The following C12orf56 variants were observed in gnomAD, a reference collection of about 807,000 sequenced individuals.
C12orf56 encodes uncharacterized protein C12orf56.
C12orf56 carries 71 observed loss-of-function variants against 69.9 expected under a neutral mutation model. The ratio of observed to expected loss-of-function variants is 1.02; its 90% CI spans 0.84 to 1.24. C12orf56 has a LOEUF of 1.24. Ranked by LOEUF, C12orf56 falls within the 50% of genes most tolerant of loss-of-function variation. The pLI is 0.00. For synonymous variants in C12orf56, 276 were observed against 274.1 expected (o/e 1.01, Z -0.07); for missense variants, 732 against 738.5 (o/e 0.99, Z 0.10).
At chr12:64,318,358 C>T (rs2038716356) in intron 4 of C12orf56, among the ~76,000 whole-genome samples, 1 of 152,056 alleles carries the variant, frequency 6.6e-6, no homozygotes, top group Non-Finnish European at 1.5e-5. Flanking sequence ...CCACCATGCC[C>T]GTCCAGAAAC....
Position 64,277,768 on chromosome 12 carries a change from C to G in C12orf56, c.1346G>C (p.Ser449Thr). Residue 449 changes from serine (S) to threonine (T), a missense_variant, in exon 9 of 13, where the codon AGT becomes ACT. By Grantham distance (58) the Ser-to-Thr change is moderately conservative (BLOSUM62 1). Transcript: ENST00000543942. ...ACAAGATTTTGGAATCTGAGGCTCA[C>G]TAATTAAAATTACCAAGAGATTAAA... The part of the protein sequence containing the change: ...ALFNLLVILI[S>T]EPQIPKSCPV... The G allele has an allele frequency of 6.2e-7, 1 of 1,601,906 alleles. No individual in the cohort carries two copies. The highest frequency in any genetic ancestry group is 2.2e-5 in the East Asian group (1 of 44,612).
intron 1 of C12orf56, among the ~76,000 whole-genome samples, chr12:64,378,160 A>G (rs992476477): frequency 6.6e-6 from 1 of 152,220 alleles, no homozygotes; most frequent in Non-Finnish European, 1.5e-5. Flanking sequence ...ACTGCTCACA[A>G]ATATTACTGT....
chr12:64,384,676 T>C (rs1315890502), intron 1 of C12orf56, among the ~76,000 whole-genome samples: 1 of 152,188 alleles, frequency 6.6e-6, no homozygotes, highest in Non-Finnish European at 1.5e-5. Context: ...ACAGATTTTC[T>C]TTCCCGTAGG....
chr12:64,283,301 G>A (rs1414731018), intron 8 of C12orf56, among the ~76,000 whole-genome samples: 1 of 152,174 alleles, frequency 6.6e-6, no homozygotes, highest in Non-Finnish European at 1.5e-5. Flanking sequence ...CTGAAATCGT[G>A]CCATTGCACC....
chr12:64,338,727 C>T, intron 2 of C12orf56: 1 of 1,508,124 alleles, frequency 6.6e-7, no homozygotes, highest in Non-Finnish European at 9.2e-7. Flanking sequence ...TTCTCATTGG[C>T]TTCTTGTTCA....
intron 6 of C12orf56, among the ~76,000 whole-genome samples, chr12:64,286,640 C>A (rs1203757575): frequency 1.3e-5 from 2 of 152,160 alleles, no homozygotes; most frequent in Admixed American, 6.5e-5. Flanking sequence ...CCTGTCCAGT[C>A]TCATGAGAAA....
chr12:64,284,199 A>T (rs2038169051), intron 8 of C12orf56, among the ~76,000 whole-genome samples: 1 of 152,018 alleles, frequency 6.6e-6, no homozygotes, highest in Non-Finnish European at 1.5e-5. Context: ...TGCCTGGCCT[A>T]GAGTGTCTTT....
chr12:64,390,749 C>T lies in C12orf56; in HGVS notation c.-184G>A. ...TAGGTCGGCTTCCCTGGAGCGCCCTCCCCAGCCCTGTCCAGCCTCTCGATC... is the reference window on the plus strand; with the variant it reads ...TAGGTCGGCTTCCCTGGAGCGCCCTTCCCAGCCCTGTCCAGCCTCTCGATC... On this transcript the variant is annotated 5_prime_UTR_variant, in exon 1 of 13. Transcript: ENST00000543942. 1.3e-6 allele frequency: 1 copy of T among 775,886 alleles called. No homozygotes were observed. The highest frequency in any genetic ancestry group is 1.9e-6 in the Non-Finnish European group (1 of 536,168). 48.1% of individuals were successfully genotyped at this position (775,886 alleles called of 1,614,324 possible). A position where few individuals can be genotyped will look rare whatever the true frequency, so the allele number is the denominator to read the frequency against.
At chr12:64,354,480 G>A (rs2039279015) in intron 1 of C12orf56, among the ~76,000 whole-genome samples, 2 of 151,962 alleles carry the variant, frequency 1.3e-5, no homozygotes, top group Admixed American at 6.6e-5. Context: ...ATTTTGAGAT[G>A]GAGTCTTGCT....
At chr12:64,295,371 A>C (rs1307852508) in intron 6 of C12orf56, among the ~76,000 whole-genome samples, 1 of 152,144 alleles carries the variant, frequency 6.6e-6, no homozygotes, top group Non-Finnish European at 1.5e-5. Context: ...TCTATGAAAA[A>C]GTGTTCTCAG....
chr12:64,377,851 C>CA (rs1190399459), intron 1 of C12orf56, among the ~76,000 whole-genome samples: 4 of 151,870 alleles, frequency 2.6e-5, no homozygotes, highest in East Asian at 3.9e-4. Flanking sequence ...TTCAGGCAAC[C>CA]AAAAAAAATT....
At chr12:64,297,553 G>A (rs752087454) in intron 6 of C12orf56, among the ~76,000 whole-genome samples, 1 of 152,034 alleles carries the variant, frequency 6.6e-6, no homozygotes, top group Non-Finnish European at 1.5e-5. Flanking sequence ...CCGCCGACAG[G>A]CCCCAATGTG....
At position 64,387,963 on chromosome 12, in the gene C12orf56, G is replaced by A. The variant is rs530763046; in HGVS notation, c.252+2351C>T. 4.1e-4 allele frequency among the ~76,000 whole-genome samples: 63 copies of A among 152,246 alleles called. 2 individuals are homozygous for A. The highest frequency in any genetic ancestry group is 3.5e-3 in the Admixed American group (53 of 15,290). On this transcript the variant is annotated intron_variant, in intron 1 of 12. Transcript: ENST00000543942. ...TACACTGGAGACAATAGAAAAAGCTGAGCGTTCAAAGTTTTTTGTTTTTGA... is the reference window on the plus strand; with the variant it reads ...TACACTGGAGACAATAGAAAAAGCTAAGCGTTCAAAGTTTTTTGTTTTTGA...
At chr12:64,355,077 C>CAAAAA (rs59799966) in intron 1 of C12orf56, among the ~76,000 whole-genome samples, 9 of 87,602 alleles carry the variant, frequency 1.0e-4, no homozygotes, top group African/African-American at 1.9e-4. Flanking sequence ...GACTCCGTCT[C>CAAAAA]AAAAAAAAAA....
chr12:64,299,206 A>G (rs1211372360), intron 6 of C12orf56, among the ~76,000 whole-genome samples: 2 of 152,136 alleles, frequency 1.3e-5, no homozygotes. Context: ...GTGTATAGGA[A>G]TGCTTGTGAT....
chr12:64,380,101 T>G, intron 1 of C12orf56, among the ~76,000 whole-genome samples: 1 of 61,564 alleles, frequency 1.6e-5, no homozygotes, highest in Non-Finnish European at 2.5e-5. Context: ...CAAGACTCCG[T>G]CGCAAAAAAA....
chr12:64,387,077 C>CAACAAAAAAAAAAAAAA (rs1201123599), intron 1 of C12orf56, among the ~76,000 whole-genome samples: 7 of 42,106 alleles, frequency 1.7e-4, no homozygotes, highest in African/African-American at 7.6e-4. Flanking sequence ...GACTCTATCT[C>CAACAAAAAAAAAAAAAA]AAAAAAAAAA....
intron 1 of C12orf56, among the ~76,000 whole-genome samples, chr12:64,363,287 T>G (rs2039421580): frequency 6.6e-6 from 1 of 152,206 alleles, no homozygotes; most frequent in Admixed American, 6.5e-5. Context: ...TGTTACCTGC[T>G]GAAGGAAAAC....
intron 3 of C12orf56, among the ~76,000 whole-genome samples, chr12:64,324,240 G>A (rs1431755896): frequency 6.6e-6 from 1 of 152,206 alleles, no homozygotes; most frequent in Non-Finnish European, 1.5e-5. Flanking sequence ...GCCAACACTA[G>A]AAATATATCA....
Sources: gnomAD v4.1 joint callset for allele counts (sites outside exome capture counted in the v4.1 genomes callset) on GRCh38, gnomAD v4.1.1 for gene constraint, MANE v1.5 for transcripts, NCBI Gene and HGNC (gene_info 2026-07-23, HGNC 2026-07-21) for gene names.